The following GALNT17 variants were observed in gnomAD, a reference collection of about 807,000 sequenced individuals.
GALNT17 encodes the protein polypeptide N-acetylgalactosaminyltransferase 17, also known as UDP-GalNAc:polypeptide N-acetylgalactosaminyltransferase-like 3.
A neutral mutation model predicts 63.7 loss-of-function variants in GALNT17; 29 were observed. The ratio of observed to expected loss-of-function variants is 0.46; its 90% CI spans 0.34 to 0.62. The LOEUF (loss-of-function observed/expected upper bound fraction) is 0.62. Ranked by LOEUF, GALNT17 falls within the 20% of genes least tolerant of loss-of-function variation. The probability of loss-of-function intolerance (pLI) is 0.01; values close to 1 mark genes in which losing one functional copy is unlikely to be tolerated. For synonymous variants in GALNT17, 305 were observed against 318.3 expected (o/e 0.96, Z 0.45); for missense variants, 603 against 799.6 (o/e 0.75, Z 2.97).
At chr7:71,381,646 G>T (rs1318190629) in intron 2 of GALNT17, among the ~76,000 whole-genome samples, 1 of 152,054 alleles carries the variant, frequency 6.6e-6, no homozygotes, top group Non-Finnish European at 1.5e-5. Flanking sequence ...GGGTGTGGTG[G>T]TGCATGCCTG....
At chr7:71,302,670 T>C (rs1055852699) in intron 1 of GALNT17, among the ~76,000 whole-genome samples, 3 of 152,146 alleles carry the variant, frequency 2.0e-5, no homozygotes, top group African/African-American at 7.2e-5. Context: ...CTGGAAAGAC[T>C]ACTTTACTGG....
At position 71,335,709 on chromosome 7, in the gene GALNT17, C is replaced by G. The variant is rs912697541; in HGVS notation, c.398C>G (p.Ser133Cys). 6.2e-6 allele frequency: 10 copies of G among 1,606,242 alleles called. No individual in the cohort carries two copies. Among genetic ancestry groups the G allele is most frequent in the Non-Finnish European group, 8.5e-6 (10 of 1,176,654 alleles). ...YLSEKISLDRSIPDYRPTKCK... is the reference protein window; with the variant it reads ...YLSEKISLDRCIPDYRPTKCK... ...AGTGAAAAAATTTCACTGGACCGTT[C>G]CATTCCGGATTATCGTCCCACCAAG... is the stretch of plus-strand genomic sequence containing the variant. Residue 133 changes from serine (S) to cysteine (C), a missense_variant, in exon 2 of 11, where the codon TCC becomes TGC. Physicochemically the swap from Ser to Cys is moderately radical, Grantham distance 112 (BLOSUM62 -1). Coordinates refer to ENST00000333538, the MANE Select transcript of GALNT17 (RefSeq NM_022479.3).
intron 6 of GALNT17, among the ~76,000 whole-genome samples, chr7:71,662,032 A>T (rs1366916744): frequency 6.6e-6 from 1 of 151,630 alleles, no homozygotes; most frequent in Non-Finnish European, 1.5e-5. Flanking sequence ...ATCCACTTGA[A>T]CCCTCTTGGG....
intron 6 of GALNT17, among the ~76,000 whole-genome samples, chr7:71,635,802 G>A (rs1790521754): frequency 1.3e-5 from 2 of 152,216 alleles, no homozygotes; most frequent in Non-Finnish European, 2.9e-5. Context: ...AGACCATATA[G>A]GGTAACTTCC....
intron 5 of GALNT17, among the ~76,000 whole-genome samples, chr7:71,461,873 A>G (rs1787456900): frequency 6.6e-6 from 1 of 152,100 alleles, no homozygotes; most frequent in Non-Finnish European, 1.5e-5. Flanking sequence ...TTACTTATGT[A>G]ATTGCTATCA....
rs576529797 is a variant in GALNT17, at chr7:71,422,218, C to T, written c.962+1113C>T. Among the ~76,000 whole-genome samples the T allele has an allele frequency of 5.9e-5, 9 of 152,166 alleles. No homozygotes were observed. The East Asian group carries it at 1.8e-3, about 30-fold the overall frequency. Reference sequence around the variant, plus strand: ...CCATGTCCTTGCCTTTTCCAGCTTCCAGAAGCTGCCTCCTCCCTTGGCTCA... The same window carrying T: ...CCATGTCCTTGCCTTTTCCAGCTTCTAGAAGCTGCCTCCTCCCTTGGCTCA... On this transcript the variant is annotated intron_variant, in intron 5 of 10. Transcript: ENST00000333538.
intron 1 of GALNT17, among the ~76,000 whole-genome samples, chr7:71,154,205 C>A (rs1788187766): frequency 7.0e-6 from 1 of 143,800 alleles, no homozygotes; most frequent in Non-Finnish European, 1.5e-5. Context: ...ACTGGAGGGA[C>A]CATGTGGAGA....
intron 1 of GALNT17, among the ~76,000 whole-genome samples, chr7:71,167,030 A>G (rs1788453654): frequency 6.7e-6 from 1 of 148,604 alleles, no homozygotes; most frequent in South Asian, 2.1e-4. Context: ...ACACACAACC[A>G]TGCCTGGCTA....
chr7:71,465,414 C>A (rs1787519159), intron 5 of GALNT17, among the ~76,000 whole-genome samples: 1 of 152,200 alleles, frequency 6.6e-6, no homozygotes. Flanking sequence ...AAGCTCCCCT[C>A]CACTGTTACA....
chr7:71,284,027 A>C (rs1790824408), intron 1 of GALNT17: 1 of 152,248 alleles, frequency 6.6e-6, no homozygotes, highest in Non-Finnish European at 1.5e-5. Context: ...AAGGGAATAA[A>C]AGCTGGCGGC....
chr7:71,624,892 A>G (rs1307015709), intron 6 of GALNT17, among the ~76,000 whole-genome samples: 1 of 152,308 alleles, frequency 6.6e-6, no homozygotes, highest in East Asian at 1.9e-4. Flanking sequence ...TTTCTGCTTC[A>G]TACATTTCAT....
At chr7:71,393,776 T>C (rs1015864826) in intron 3 of GALNT17, among the ~76,000 whole-genome samples, 3 of 152,198 alleles carry the variant, frequency 2.0e-5, no homozygotes, top group Admixed American at 2.0e-4. Flanking sequence ...ATATTGACAT[T>C]GGCCTGTGTT....
chr7:71,214,759 G>A (rs1011994593), intron 1 of GALNT17, among the ~76,000 whole-genome samples: 1 of 152,024 alleles, frequency 6.6e-6, no homozygotes, highest in Non-Finnish European at 1.5e-5. Context: ...TGTATTTTTA[G>A]TGGAGATGGG....
chr7:71,493,519 T>TA (rs1157435953), intron 5 of GALNT17, among the ~76,000 whole-genome samples: 2 of 152,088 alleles, frequency 1.3e-5, no homozygotes, highest in African/African-American at 4.8e-5. Context: ...AGGCACGTCT[T>TA]ACAGGGCAGC....
intron 6 of GALNT17, among the ~76,000 whole-genome samples, chr7:71,651,562 G>C (rs60274623): frequency 0.011 from 1,712 of 152,094 alleles, 43 homozygotes; most frequent in African/African-American, 0.039. Flanking sequence ...TCGGCCTCCC[G>C]AAAGTGCTGG....
chr7:71,620,636 G>A (rs975299550), intron 6 of GALNT17, among the ~76,000 whole-genome samples: 3 of 152,210 alleles, frequency 2.0e-5, no homozygotes, highest in African/African-American at 7.2e-5. Flanking sequence ...ACATAGTTTT[G>A]GGGTTGATGT....
intron 1 of GALNT17, among the ~76,000 whole-genome samples, chr7:71,226,420 C>G (rs540748144): frequency 6.6e-6 from 1 of 152,258 alleles, no homozygotes; most frequent in Non-Finnish European, 1.5e-5. Context: ...AATTTGGAAA[C>G]CTCCTTTTTC....
chr7:71,363,240 T>G (rs1301144835), intron 2 of GALNT17, among the ~76,000 whole-genome samples: 2 of 152,170 alleles, frequency 1.3e-5, no homozygotes, highest in Admixed American at 6.5e-5. Flanking sequence ...GTGCTGGGAT[T>G]ACAGTCGTGA....
chr7:71,461,107 A>G (rs1469533683), intron 5 of GALNT17, among the ~76,000 whole-genome samples: 1 of 152,196 alleles, frequency 6.6e-6, no homozygotes, highest in African/African-American at 2.4e-5. Flanking sequence ...GGAGAGACAT[A>G]AAACTTCACA....
Sources: gnomAD v4.1 joint callset for allele counts (sites outside exome capture counted in the v4.1 genomes callset) on GRCh38, gnomAD v4.1.1 for gene constraint, MANE v1.5 for transcripts, NCBI Gene and HGNC (gene_info 2026-07-23, HGNC 2026-07-21) for gene names.